Variants in MRPS27 observed in about 807,000 individuals in gnomAD.
MRPS27 encodes the protein mitochondrial ribosomal protein S27.
MRPS27 carries 43 observed loss-of-function variants against 48.9 expected under a neutral mutation model. That is an observed-to-expected ratio of 0.88 (90% CI 0.69 to 1.13). The LOEUF is 1.13. Ranked by LOEUF, MRPS27 falls within the 50% of genes most tolerant of loss-of-function variation. MRPS27 has a pLI of 0.00. For missense variants in MRPS27, 467 were observed against 476.3 expected, an observed-to-expected ratio of 0.98 and a Z score of 0.18; for synonymous variants, 188 against 171.9, an observed-to-expected ratio of 1.09 and a Z score of -0.73.
Position 72,238,032 on chromosome 5 carries a change from T to A in MRPS27, c.378A>T (p.Leu126=). 6.2e-7 allele frequency: 1 copy of A among 1,612,630 alleles called. No individual in the cohort carries two copies. The highest frequency in any genetic ancestry group is 8.5e-7 in the Non-Finnish European group (1 of 1,178,836). Residue 126 remains leucine (L), a synonymous_variant, in exon 5 of 11, where the codon CTA becomes CTT. Transcript: ENST00000261413. ...CLKYDAQDKA[L]YTLVNKVQYG... ...AACTCACCTTATTTACAAGGGTATA[T>A]AGGGCTTTGTCTTGTGCATCATATT...
intron 4 of MRPS27, among the ~76,000 whole-genome samples, chr5:72,262,021 C>G (rs1309943391): frequency 6.6e-6 from 1 of 152,192 alleles, no homozygotes. Flanking sequence ...AAACACCAAT[C>G]TGTTCTGCCC....
At position 72,269,713 on chromosome 5, in the gene MRPS27, A is replaced by G. The variant is rs80300333; in HGVS notation, c.281+25818T>C. ...CATTTGTTTTACACACGTGTGGGGG[A>G]TATGTGTATGCATGGATTTGTACCT... On this transcript the variant is annotated intron_variant, in intron 4 of 10. Coordinates refer to ENST00000261413, the MANE Select transcript of MRPS27 (RefSeq NM_015084.3). Among the ~76,000 whole-genome samples the G allele has an allele frequency of 5.1e-3, 774 of 152,296 alleles. 3 individuals carry two copies. The highest frequency in any genetic ancestry group is 0.018 in the African/African-American group (744 of 41,564).
intron 2 of MRPS27, among the ~76,000 whole-genome samples, chr5:72,299,390 A>G (rs1018868666): frequency 3.9e-5 from 6 of 152,146 alleles, no homozygotes; most frequent in African/African-American, 1.4e-4. Context: ...AGGAGACACA[A>G]GCAAGTGTAT....
At chr5:72,266,066 G>A (rs1749100834) in intron 4 of MRPS27, among the ~76,000 whole-genome samples, 1 of 151,920 alleles carries the variant, frequency 6.6e-6, no homozygotes. Flanking sequence ...AGGAGGGGAA[G>A]ATATAAGAAA....
In MRPS27 at chr5:72,219,738, C is replaced by T. The variant is rs887518213; in HGVS notation, c.*1171G>A. On this transcript the variant is annotated 3_prime_UTR_variant, in exon 11 of 11. Coordinates refer to ENST00000261413, the MANE Select transcript of MRPS27 (RefSeq NM_015084.3). ...ATGCACTTCAAGCCCCAACCCATCT[C>T]TCATTTTCTAACTTCTTTAACAGAA... The T allele has an allele frequency of 1.2e-4, 18 of 152,218 alleles. No homozygotes were observed. Among genetic ancestry groups the T allele is most frequent in the African/African-American group, 4.1e-4 (17 of 41,454 alleles). 9.4% of individuals were successfully genotyped at this position (152,218 alleles called of 1,614,324 possible).
chr5:72,311,801 A>G (rs913623809), intron 2 of MRPS27, among the ~76,000 whole-genome samples: 8 of 152,208 alleles, frequency 5.3e-5, no homozygotes, highest in African/African-American at 1.7e-4. Flanking sequence ...ACAAACTAAG[A>G]CAGATATAGA....
At chr5:72,221,186 G>A (rs888986518) in intron 10 of MRPS27, 38 bp from the exon 11 acceptor site, 2 of 1,600,832 alleles carry the variant, frequency 1.2e-6, no homozygotes, top group South Asian at 2.3e-5. Flanking sequence ...AAGAAAGGTA[G>A]AGAAGTGAGA....
intron 4 of MRPS27, among the ~76,000 whole-genome samples, chr5:72,265,409 A>C (rs1368451130): frequency 6.6e-6 from 1 of 152,252 alleles, no homozygotes; most frequent in Non-Finnish European, 1.5e-5. Context: ...AGCAGTGCCC[A>C]GTTTACAAAG....
At chr5:72,299,788 T>C (rs1750082350) in intron 2 of MRPS27, among the ~76,000 whole-genome samples, 1 of 152,226 alleles carries the variant, frequency 6.6e-6, no homozygotes, top group Non-Finnish European at 1.5e-5. Flanking sequence ...TGTCATTGCT[T>C]TTCAAATTTA....
intron 2 of MRPS27, among the ~76,000 whole-genome samples, chr5:72,309,874 C>A (rs1750392789): frequency 6.6e-6 from 1 of 152,184 alleles, no homozygotes; most frequent in African/African-American, 2.4e-5. Flanking sequence ...CCCTACAGAG[C>A]ATTTTAGGAT....
chr5:72,272,663 A>G (rs1038085548), intron 4 of MRPS27, among the ~76,000 whole-genome samples: 3 of 152,170 alleles, frequency 2.0e-5, no homozygotes, highest in African/African-American at 7.2e-5. Context: ...CTTGGCTGTG[A>G]GTATGGCTTA....
Position 72,240,412 on chromosome 5 carries a change from G to A in MRPS27, c.282-2284C>T, listed in dbSNP as rs77013697. Among the ~76,000 whole-genome samples, 570 of 151,936 alleles carry A rather than the reference G, an allele frequency of 3.8e-3. 1 individual carries two copies. Among genetic ancestry groups the A allele is most frequent in the African/African-American group, 0.013 (552 of 41,298 alleles). ...TTTTTCCTTTAAAAAGAAACAAAAC[G>A]AAATATAATTATTTTTTGGTAATGA... On this transcript the variant is annotated intron_variant, in intron 4 of 10. Coordinates refer to ENST00000261413, the MANE Select transcript of MRPS27 (RefSeq NM_015084.3).
intron 4 of MRPS27, among the ~76,000 whole-genome samples, chr5:72,256,966 G>C (rs1003406429): frequency 6.6e-6 from 1 of 152,082 alleles, no homozygotes; most frequent in Non-Finnish European, 1.5e-5. Flanking sequence ...CAGGATTTGA[G>C]GTAGTCCCTA....
intron 4 of MRPS27, among the ~76,000 whole-genome samples, chr5:72,268,852 G>C (rs1335421153): frequency 6.6e-6 from 1 of 152,054 alleles, no homozygotes; most frequent in African/African-American, 2.4e-5. Flanking sequence ...AATTGATAGG[G>C]GGTCAATTGA....
chr5:72,285,449 G>C (rs1027329115), intron 4 of MRPS27, among the ~76,000 whole-genome samples: 1 of 152,068 alleles, frequency 6.6e-6, no homozygotes, highest in Non-Finnish European at 1.5e-5. Context: ...TCATATCCTG[G>C]ATTTGTGTTG....
At chr5:72,265,833 T>C (rs927206655) in intron 4 of MRPS27, among the ~76,000 whole-genome samples, 3 of 152,226 alleles carry the variant, frequency 2.0e-5, no homozygotes, top group African/African-American at 7.2e-5. Flanking sequence ...AGCCTGGCTC[T>C]GTTACGAAAA....
At chr5:72,243,024 T>C (rs1284116406) in intron 4 of MRPS27, among the ~76,000 whole-genome samples, 1 of 152,304 alleles carries the variant, frequency 6.6e-6, no homozygotes, top group East Asian at 1.9e-4. Flanking sequence ...AACACACACA[T>C]GCAGCTTTCC....
chr5:72,250,867 T>G (rs1748647293), intron 4 of MRPS27, among the ~76,000 whole-genome samples: 2 of 152,190 alleles, frequency 1.3e-5, no homozygotes, highest in Non-Finnish European at 2.9e-5. Context: ...AGAGAGGTAG[T>G]TAAGATATCA....
At chr5:72,263,336 TG>T (rs1315582035) in intron 4 of MRPS27, among the ~76,000 whole-genome samples, 1 of 151,848 alleles carries the variant, frequency 6.6e-6, no homozygotes, top group Non-Finnish European at 1.5e-5. Context: ...GAAGAAAACA[TG>T]GGGTAAATTT....
Sources: allele counts gnomAD v4.1 joint callset (sites outside exome capture counted in the v4.1 genomes callset), GRCh38; gene constraint gnomAD v4.1.1; transcripts MANE v1.5; gene names NCBI Gene and HGNC (gene_info 2026-07-23, HGNC 2026-07-21).